The following SRGAP1 variants were observed in gnomAD, a reference collection of about 807,000 sequenced individuals.
SRGAP1 encodes SLIT-ROBO Rho GTPase activating protein 1, also known as SLIT-ROBO Rho GTPase-activating protein 1.
Under a neutral mutation model 121.9 loss-of-function variants are expected in SRGAP1, and 43 were observed. The ratio of observed to expected loss-of-function variants is 0.35; its 90% CI spans 0.28 to 0.46. SRGAP1 has a LOEUF of 0.46. Among genes scored for constraint, SRGAP1 ranks in the 20% least tolerant of loss-of-function variants. The probability of loss-of-function intolerance (pLI) is 1.00; values close to 1 mark genes in which losing one functional copy is unlikely to be tolerated. For synonymous variants in SRGAP1, 447 were observed against 485.4 expected (o/e 0.92, Z 1.04); for missense variants, 1,102 against 1,350.9 (o/e 0.82, Z 2.89).
At position 64,111,742 on chromosome 12, in the gene SRGAP1, T is replaced by C; in HGVS notation, c.1920-20T>C. ...TTTCTCTTTGTTCTTTTATAACTCCTTTCTTGTTTCCTTTTGTAGTCTATC... is the reference window on the plus strand; with the variant it reads ...TTTCTCTTTGTTCTTTTATAACTCCCTTCTTGTTTCCTTTTGTAGTCTATC... On this transcript the variant is annotated intron_variant, in intron 16 of 21. Transcript: ENST00000355086. The C allele has an allele frequency of 6.4e-7, 1 of 1,563,366 alleles. No homozygotes were observed. The highest frequency in any genetic ancestry group is 2.3e-5 in the East Asian group (1 of 43,996).
At chr12:64,037,213 G>A (rs186773342) in intron 4 of SRGAP1, among the ~76,000 whole-genome samples, 1 of 152,298 alleles carries the variant, frequency 6.6e-6, no homozygotes, top group East Asian at 1.9e-4. Context: ...AAATTCTGGG[G>A]AGGGAGCCGT....
At chr12:64,134,455 C>G (rs2036830115) in intron 21 of SRGAP1, among the ~76,000 whole-genome samples, 1 of 151,784 alleles carries the variant, frequency 6.6e-6, no homozygotes, top group African/African-American at 2.4e-5. Context: ...GCTGCTCTCA[C>G]AAATCTGTTT....
intron 11 of SRGAP1, among the ~76,000 whole-genome samples, chr12:64,087,389 A>G (rs1290394934): frequency 6.6e-6 from 1 of 152,160 alleles, no homozygotes; most frequent in Non-Finnish European, 1.5e-5. Flanking sequence ...CTACTGCATA[A>G]GTAAGTAGAA....
At chr12:63,967,659 A>G (rs73317356) in intron 1 of SRGAP1, among the ~76,000 whole-genome samples, 1 of 152,134 alleles carries the variant, frequency 6.6e-6, no homozygotes, top group South Asian at 2.1e-4. Context: ...TCTTTGTAGG[A>G]CTAAGTGATG....
Position 64,111,954 on chromosome 12 carries a change from T to C in SRGAP1, c.2112T>C (p.Val704=). Residue 704 remains valine (V), a synonymous_variant, in exon 17 of 22, where the codon GTT becomes GTC. Coordinates refer to ENST00000355086, the MANE Select transcript of SRGAP1 (RefSeq NM_020762.4). ...ATGCTAAAGAGCTGGATGGCCCTGT[T>C]TATGAGAAATGTATGGCTGGAGATG... ...FPDAKELDGP[V]YEKCMAGDDY... 1.9e-6 allele frequency: 3 copies of C among 1,614,028 alleles called. No homozygotes were observed. The highest frequency in any genetic ancestry group is 2.5e-6 in the Non-Finnish European group (3 of 1,179,924).
At chr12:63,973,922 C>T (rs986975545) in intron 1 of SRGAP1, among the ~76,000 whole-genome samples, 1 of 152,162 alleles carries the variant, frequency 6.6e-6, no homozygotes, top group East Asian at 1.9e-4. Context: ...TTGTCAGTAA[C>T]ACAGTCATTC....
intron 1 of SRGAP1, among the ~76,000 whole-genome samples, chr12:63,914,419 C>G (rs2030688044): frequency 6.6e-6 from 1 of 152,154 alleles, no homozygotes; most frequent in Admixed American, 6.5e-5. Context: ...AAATTCACAG[C>G]TTATGGGTGT....
At chr12:64,121,149 G>A (rs1429491395) in intron 18 of SRGAP1, among the ~76,000 whole-genome samples, 1 of 151,696 alleles carries the variant, frequency 6.6e-6, no homozygotes, top group African/African-American at 2.4e-5. Context: ...GAGTAACTGG[G>A]ACCATAGGCA....
intron 11 of SRGAP1, among the ~76,000 whole-genome samples, chr12:64,088,455 C>T (rs1184501578): frequency 1.3e-5 from 2 of 152,108 alleles, no homozygotes; most frequent in African/African-American, 2.4e-5. Context: ...GCTATAATTG[C>T]CAAATAGACT....
At chr12:64,046,135 G>A (rs2035125720) in intron 6 of SRGAP1, among the ~76,000 whole-genome samples, 1 of 152,160 alleles carries the variant, frequency 6.6e-6, no homozygotes, top group Non-Finnish European at 1.5e-5. Flanking sequence ...AGGCAGAGGT[G>A]TGTCTTCCCA....
intron 1 of SRGAP1, among the ~76,000 whole-genome samples, chr12:63,894,328 T>A (rs1900681037): frequency 6.6e-6 from 1 of 152,124 alleles, no homozygotes; most frequent in South Asian, 2.1e-4. Flanking sequence ...GTGCTGCTGC[T>A]TCTCAACATA....
intron 1 of SRGAP1, among the ~76,000 whole-genome samples, chr12:63,916,781 C>G (rs1381886644): frequency 6.6e-6 from 1 of 152,146 alleles, no homozygotes; most frequent in African/African-American, 2.4e-5. Context: ...GAATCGCATG[C>G]AGGCCAGTAG....
chr12:64,003,376 C>T (rs754074415), intron 3 of SRGAP1, among the ~76,000 whole-genome samples: 1 of 149,758 alleles, frequency 6.7e-6, no homozygotes, highest in African/African-American at 2.5e-5. Context: ...CTTGAGCCAT[C>T]ATGTCTGACC....
At position 63,884,511 on chromosome 12, in the gene SRGAP1, A is replaced by G. The variant is rs994612776; in HGVS notation, c.67+39628A>G. On this transcript the variant is annotated intron_variant, in intron 1 of 21. Transcript: ENST00000355086. ...GGGTAGTTAGTGCGCCCAGCACCTTATGTATTTATTGTTTCTTTGTGGTGA... is the reference window on the plus strand; with the variant it reads ...GGGTAGTTAGTGCGCCCAGCACCTTGTGTATTTATTGTTTCTTTGTGGTGA... Among the ~76,000 whole-genome samples the G allele has an allele frequency of 2.0e-5, 3 of 152,144 alleles. No homozygotes were observed. The East Asian group carries it at 5.8e-4, about 29-fold the overall frequency.
At chr12:63,856,852 C>T (rs1014283504) in intron 1 of SRGAP1, among the ~76,000 whole-genome samples, 13 of 152,082 alleles carry the variant, frequency 8.5e-5, no homozygotes, top group East Asian at 3.9e-4. Flanking sequence ...ATTGGAATTG[C>T]GTGAAATTAT....
chr12:64,143,044 C>G lies in SRGAP1; in HGVS notation c.*372C>G, dbSNP rs1332478310. ...CCTGAAGGCAGAAGAACCCGAATGC[C>G]ACACCTCATTGGAGTATAGCCAGTG... On this transcript the variant is annotated 3_prime_UTR_variant, in exon 22 of 22. Coordinates refer to ENST00000355086, the MANE Select transcript of SRGAP1 (RefSeq NM_020762.4). The G allele has an allele frequency of 4.5e-6, 1 of 220,190 alleles. No individual in the cohort carries two copies. The highest frequency in any genetic ancestry group is 9.2e-6 in the Non-Finnish European group (1 of 109,066). The allele number at this position is 220,190 out of a possible 1,614,324, so 13.6% of individuals were successfully genotyped here.
intron 1 of SRGAP1, among the ~76,000 whole-genome samples, chr12:63,875,651 C>G (rs79869857): frequency 0.043 from 6,470 of 152,226 alleles, 178 homozygotes; most frequent in East Asian, 0.082. Flanking sequence ...AAGATTATAA[C>G]TTTAAGCAAG....
intron 11 of SRGAP1, among the ~76,000 whole-genome samples, chr12:64,090,792 A>G (rs1014027875): frequency 1.8e-4 from 27 of 152,182 alleles, no homozygotes; most frequent in African/African-American, 6.0e-4. Context: ...GTGAGCCATG[A>G]TCATTCCACT....
chr12:63,877,644 A>G (rs1900070827), intron 1 of SRGAP1, among the ~76,000 whole-genome samples: 1 of 152,124 alleles, frequency 6.6e-6, no homozygotes, highest in African/African-American at 2.4e-5. Flanking sequence ...TTAAATTATC[A>G]TTTTATAAAA....
Sources: gnomAD v4.1 joint callset for allele counts (sites outside exome capture counted in the v4.1 genomes callset) on GRCh38, gnomAD v4.1.1 for gene constraint, MANE v1.5 for transcripts, NCBI Gene and HGNC (gene_info 2026-07-23, HGNC 2026-07-21) for gene names.